The following JPH2 variants were observed in gnomAD, a reference collection of about 807,000 sequenced individuals.
JPH2 encodes junctophilin 2.
JPH2 carries 38 observed loss-of-function variants against 55.9 expected under a neutral mutation model. That is an observed-to-expected ratio of 0.68 (90% CI 0.52 to 0.89). The LOEUF (loss-of-function observed/expected upper bound fraction) is 0.89, where lower values mean the gene tolerates loss of function less well. Ranked by LOEUF, JPH2 falls within the 40% of genes least tolerant of loss-of-function variation. JPH2 has a pLI of 0.00. For synonymous variants in JPH2, 480 were observed against 472.4 expected, an observed-to-expected ratio of 1.02 and a Z score of -0.21; for missense variants, 964 against 1,037.6, an observed-to-expected ratio of 0.93 and a Z score of 0.97.
intron 2 of JPH2, among the ~76,000 whole-genome samples, chr20:44,131,055 C>T (rs566801079): frequency 1.3e-4 from 20 of 152,186 alleles, no homozygotes; most frequent in Non-Finnish European, 2.8e-4. Flanking sequence ...AGGCAGATTT[C>T]TCATATGGCT....
At position 44,160,169 on chromosome 20, in the gene JPH2, G is replaced by A. The variant is rs1360359597; in HGVS notation, c.618C>T (p.Ala206=). The part of the protein sequence containing the change: ...PRGGFALSLL[A]NAEAAARAPK... ...GCGCCCGCGCGGCCGCCTCGGCATT[G>A]GCCAGGAGGCTGAGCGCGAAGCCGC... is the stretch of plus-strand genomic sequence containing the variant. Residue 206 remains alanine, a synonymous_variant, in exon 2 of 6, where the codon GCC becomes GCT. Coordinates refer to ENST00000372980, the MANE Select transcript of JPH2 (RefSeq NM_020433.5). The surrounding 1 kb of genome is among the most constrained non-coding windows in gnomAD (Gnocchi z 4.9). The A allele has an allele frequency of 2.1e-6, 3 of 1,414,338 alleles. No homozygotes were observed. The highest frequency in any genetic ancestry group is 6.6e-5 in the Admixed American group (2 of 30,476). The allele number at this position is 1,414,338 out of a possible 1,614,324, so 87.6% of individuals were successfully genotyped here. A position where few individuals can be genotyped will look rare whatever the true frequency, so the allele number is the denominator to read the frequency against.
intron 4 of JPH2, among the ~76,000 whole-genome samples, chr20:44,115,182 C>G (rs2072178383): frequency 6.6e-6 from 1 of 152,158 alleles, no homozygotes. Context: ...ATTCTTCAGT[C>G]CCCCAAAGCC....
At chr20:44,140,067 T>C (rs1600846629) in intron 2 of JPH2, among the ~76,000 whole-genome samples, 1 of 152,162 alleles carries the variant, frequency 6.6e-6, no homozygotes, top group African/African-American at 2.4e-5. Context: ...GAGATGGGGT[T>C]TCACCGTGTT....
Position 44,116,055 on chromosome 20 carries a change from G to T in JPH2, c.1620C>A (p.Thr540=). The T allele has an allele frequency of 6.4e-7, 1 of 1,561,438 alleles. No individual in the cohort carries two copies. The highest frequency in any genetic ancestry group is 2.4e-5 in the East Asian group (1 of 42,146). The part of the protein sequence containing the change: ...AGRRSPARPA[T]ERMAIEALQA... ...GCAGAGCCTCGATGGCCATGCGCTCGGTGGCTGGACGCGCGGGGCTGCGGC... is the reference window on the plus strand; with the variant it reads ...GCAGAGCCTCGATGGCCATGCGCTCTGTGGCTGGACGCGCGGGGCTGCGGC... Residue 540 remains threonine, a synonymous_variant, in exon 4 of 6, where the codon ACC becomes ACA. Coordinates refer to ENST00000372980, the MANE Select transcript of JPH2 (RefSeq NM_020433.5).
intron 1 of JPH2, chr20:44,177,672 T>G: frequency 8.0e-7 from 1 of 1,250,818 alleles, no homozygotes. Flanking sequence ...ACATTCGAAA[T>G]GGAATCATGT....
At chr20:44,157,691 C>T (rs897677051) in intron 2 of JPH2, among the ~76,000 whole-genome samples, 1 of 152,106 alleles carries the variant, frequency 6.6e-6, no homozygotes, top group Non-Finnish European at 1.5e-5. Flanking sequence ...TAAGAAATGG[C>T]GGTGCCACAG....
chr20:44,106,823 G>A lies in JPH2; in HGVS notation c.*6695C>T. On this transcript the variant is annotated 3_prime_UTR_variant, in exon 6 of 6. Transcript: ENST00000372980. ...CCCCATGATTCAATTACCTCCCACT[G>A]GGTCCCTCCCACAACGTGTGGGTGG... is the stretch of plus-strand genomic sequence containing the variant. Among the ~76,000 whole-genome samples the A allele has an allele frequency of 6.6e-6, 1 of 152,036 alleles. No individual in the cohort carries two copies. The highest frequency in any genetic ancestry group is 2.1e-4 in the South Asian group (1 of 4,816).
At chr20:44,136,273 G>A (rs1220805267) in intron 2 of JPH2, among the ~76,000 whole-genome samples, 2 of 152,130 alleles carry the variant, frequency 1.3e-5, no homozygotes, top group Admixed American at 1.3e-4. Flanking sequence ...TTTCTCTTTA[G>A]GAAACACAGA....
At chr20:44,162,181 C>A (rs1044496217) in intron 1 of JPH2, among the ~76,000 whole-genome samples, 2 of 152,034 alleles carry the variant, frequency 1.3e-5, no homozygotes, top group Non-Finnish European at 2.9e-5. Context: ...TTAACAAAAA[C>A]CAAAAGGTCT....
At chr20:44,137,241 G>A (rs8118380) in intron 2 of JPH2, among the ~76,000 whole-genome samples, 9 of 144,628 alleles carry the variant, frequency 6.2e-5, no homozygotes, top group African/African-American at 1.3e-4. Flanking sequence ...CTCTGCCCCC[G>A]CCCCGCCCCA....
At chr20:44,135,882 G>A (rs139517250) in intron 2 of JPH2, among the ~76,000 whole-genome samples, 2 of 152,156 alleles carry the variant, frequency 1.3e-5, no homozygotes, top group African/African-American at 4.8e-5. Context: ...CATTGTGATC[G>A]TTACTCTGTT....
chr20:44,133,986 T>TTATTATAAATATATATAAATATA (rs2072347586), intron 2 of JPH2, among the ~76,000 whole-genome samples: 2 of 33,588 alleles, frequency 6.0e-5, no homozygotes, highest in African/African-American at 2.5e-4. Flanking sequence ...TAAATATATA[T>TTATTATAAATATATATAAATATA]TATTATAAAT....
In JPH2 at chr20:44,108,560, C is replaced by T. The variant is rs1404211734; in HGVS notation, c.*4958G>A. On this transcript the variant is annotated 3_prime_UTR_variant, in exon 6 of 6. Coordinates refer to ENST00000372980, the MANE Select transcript of JPH2 (RefSeq NM_020433.5). ...CTTTACAGCCTCAAGATGTAAATAGCTTTAAAAGGTCACTAAGAAGTGACT... is the reference window on the plus strand; with the variant it reads ...CTTTACAGCCTCAAGATGTAAATAGTTTTAAAAGGTCACTAAGAAGTGACT... Among the ~76,000 whole-genome samples, 3 of 148,362 alleles carry T rather than the reference C, an allele frequency of 2.0e-5. No homozygotes were observed. Among genetic ancestry groups the T allele is most frequent in the Non-Finnish European group, 4.4e-5 (3 of 67,572 alleles).
At chr20:44,139,012 C>A (rs1238395622) in intron 2 of JPH2, among the ~76,000 whole-genome samples, 2 of 152,160 alleles carry the variant, frequency 1.3e-5, no homozygotes, top group African/African-American at 4.8e-5. Flanking sequence ...GTTTGCTCTT[C>A]CATGCTGACC....
chr20:44,122,245 C>T (rs1029112521), intron 2 of JPH2, among the ~76,000 whole-genome samples: 2 of 152,226 alleles, frequency 1.3e-5, no homozygotes, highest in South Asian at 2.1e-4. Flanking sequence ...CGCATGCAGG[C>T]GTGCACATAT....
chr20:44,140,563 C>T (rs1569199212), intron 2 of JPH2, among the ~76,000 whole-genome samples: 1 of 152,098 alleles, frequency 6.6e-6, no homozygotes, highest in South Asian at 2.1e-4. Flanking sequence ...GCAATAGGTC[C>T]CCACAAGGAT....
chr20:44,173,834 A>T (rs2072714750), intron 1 of JPH2, among the ~76,000 whole-genome samples: 1 of 152,128 alleles, frequency 6.6e-6, no homozygotes, highest in Non-Finnish European at 1.5e-5. Context: ...AATTGCTTGA[A>T]CCCAGGAGAC....
chr20:44,147,222 G>C (rs1469684991), intron 2 of JPH2, among the ~76,000 whole-genome samples: 8 of 152,164 alleles, frequency 5.3e-5, no homozygotes, highest in Non-Finnish European at 1.0e-4. Flanking sequence ...AGTGCTGCTT[G>C]AATGTCCCTG....
Position 44,186,444 on chromosome 20 carries a change from G to T in JPH2, c.262C>A (p.His88Asn). Residue 88 changes from histidine (H) to asparagine (N), a missense_variant, in exon 1 of 6, where the codon CAT becomes AAT. Physicochemically the swap from His to Asn is moderately conservative, Grantham distance 68 (BLOSUM62 1). Coordinates refer to ENST00000372980, the MANE Select transcript of JPH2 (RefSeq NM_020433.5). The stretch of plus-strand genomic sequence containing the variant: ...ATTCCGTAGCGTCCCTTGAAGCCAT[G>T]TGTCCACTCGCCCTTGTAGAGCCAG... ...GRWLYKGEWT[H>N]GFKGRYGIRQ... 1.2e-6 allele frequency: 2 copies of T among 1,614,024 alleles called. No individual in the cohort carries two copies. The highest frequency in any genetic ancestry group is 1.7e-6 in the Non-Finnish European group (2 of 1,179,966).
Sources: allele counts gnomAD v4.1 joint callset (sites outside exome capture counted in the v4.1 genomes callset), GRCh38; gene constraint gnomAD v4.1.1; non-coding constraint Gnocchi (gnomAD v3.1); transcripts MANE v1.5; gene names NCBI Gene and HGNC (gene_info 2026-07-23, HGNC 2026-07-21).